The following TRAF3 variants were observed in gnomAD, a reference collection of about 807,000 sequenced individuals.
TRAF3 encodes the protein TNF receptor-associated factor 3.
A neutral mutation model predicts 62.3 loss-of-function variants in TRAF3; 13 were observed. That is an observed-to-expected ratio of 0.21 (90% CI 0.14 to 0.33). The LOEUF (loss-of-function observed/expected upper bound fraction) is 0.33, where lower values mean the gene tolerates loss of function less well. Ranked by LOEUF, TRAF3 falls within the 10% of genes least tolerant of loss-of-function variation. The pLI is 1.00. For missense variants in TRAF3, 440 were observed against 741.8 expected (o/e 0.59, Z 4.73); for synonymous variants, 269 against 283.4 (o/e 0.95, Z 0.51).
Position 102,903,553 on chromosome 14 carries a change from TG to T in TRAF3, c.1135+127del, listed in dbSNP as rs2140002778. 7.4e-7 allele frequency: 1 copy of T among 1,350,094 alleles called. No individual in the cohort carries two copies. Among genetic ancestry groups the T allele is most frequent in the Non-Finnish European group, 1.0e-6 (1 of 969,376 alleles). 83.6% of individuals were successfully genotyped at this position (1,350,094 alleles called of 1,614,324 possible). A position where few individuals can be genotyped will look rare whatever the true frequency, so the allele number is the denominator to read the frequency against. ...GCCTTAGGACAGTTTTTTCTAATTATGGGTAACACGCAGAGGTGTGATGACT... is the reference window on the plus strand; with the variant it reads ...GCCTTAGGACAGTTTTTTCTAATTATGGTAACACGCAGAGGTGTGATGACT... On this transcript the variant is annotated intron_variant, in intron 11 of 11. Coordinates refer to ENST00000392745, the MANE Select transcript of TRAF3 (RefSeq NM_145725.3). This position sits in a 1 kb window ranked among gnomAD's most constrained non-coding sequence, Gnocchi z 6.4.
intron 2 of TRAF3, among the ~76,000 whole-genome samples, chr14:102,835,071 C>A (rs754718702): frequency 3.9e-5 from 6 of 152,072 alleles, no homozygotes; most frequent in Admixed American, 6.6e-5. Context: ...AAAAAAACAA[C>A]CCCATTAAAA....
In TRAF3 at chr14:102,882,868, G is replaced by A. The variant is rs185177304; in HGVS notation, c.571-3321G>A. Among the ~76,000 whole-genome samples, 261 of 152,234 alleles carry A rather than the reference G, an allele frequency of 1.7e-3. 1 individual carries two copies. Among genetic ancestry groups the A allele is most frequent in the African/African-American group, 6.2e-3 (256 of 41,548 alleles). ...TTATTATTACTTTTTAAATTTATAG[G>A]TTAGCATAATTTAAAGTGTCAGGAA... is the stretch of plus-strand genomic sequence containing the variant. On this transcript the variant is annotated intron_variant, in intron 6 of 11. Coordinates refer to ENST00000392745, the MANE Select transcript of TRAF3 (RefSeq NM_145725.3).
chr14:102,801,380 A>T (rs1406494517), intron 1 of TRAF3, among the ~76,000 whole-genome samples: 1 of 152,190 alleles, frequency 6.6e-6, no homozygotes, highest in African/African-American at 2.4e-5. Flanking sequence ...AATTCAAAAA[A>T]TTCTGAACTC....
At chr14:102,794,945 T>C (rs190997321) in intron 1 of TRAF3, among the ~76,000 whole-genome samples, 1 of 152,232 alleles carries the variant, frequency 6.6e-6, no homozygotes, top group Non-Finnish European at 1.5e-5. Context: ...TAGTTCATTT[T>C]AAAAATTTGT....
chr14:102,796,326 T>C (rs2139435375), intron 1 of TRAF3, among the ~76,000 whole-genome samples: 1 of 152,374 alleles, frequency 6.6e-6, no homozygotes, highest in Non-Finnish European at 1.5e-5. Context: ...CCGCCTGGCC[T>C]CATACCTCGC....
chr14:102,824,368 T>C (rs190327467), intron 1 of TRAF3, among the ~76,000 whole-genome samples: 43 of 152,370 alleles, frequency 2.8e-4, no homozygotes, highest in African/African-American at 9.9e-4. Context: ...CCTGTATAGA[T>C]TTTTGGTAAA....
chr14:102,864,943 A>G (rs1372769555), intron 2 of TRAF3, among the ~76,000 whole-genome samples: 1 of 152,184 alleles, frequency 6.6e-6, no homozygotes, highest in African/African-American at 2.4e-5. Context: ...ATTGTGAGAA[A>G]TGTGTCTCCA....
At chr14:102,787,250 A>C (rs922085163) in intron 1 of TRAF3, among the ~76,000 whole-genome samples, 3 of 152,204 alleles carry the variant, frequency 2.0e-5, no homozygotes, top group African/African-American at 7.2e-5. Context: ...AGAAACTGAA[A>C]TCACAGTATA....
rs985098013 is a variant in TRAF3, at chr14:102,907,889, CGT to C, written c.*2110_*2111del. On this transcript the variant is annotated 3_prime_UTR_variant, in exon 12 of 12. Coordinates refer to ENST00000392745, the MANE Select transcript of TRAF3 (RefSeq NM_145725.3). The stretch of plus-strand genomic sequence containing the variant: ...CCTTGGTTCTGCCCTGTGAGGGAGT[CGT>C]GTGTCCCTGCTCATAAAGGAAGGAC... The C allele has an allele frequency of 1.3e-5, 2 of 152,304 alleles. No individual in the cohort carries two copies. The highest frequency in any genetic ancestry group is 2.9e-5 in the Non-Finnish European group (2 of 68,092). The allele number at this position is 152,304 out of a possible 1,614,324, so 9.4% of individuals were successfully genotyped here.
chr14:102,900,571 G>A (rs1249165752), intron 10 of TRAF3, among the ~76,000 whole-genome samples: 3 of 152,244 alleles, frequency 2.0e-5, no homozygotes, highest in Non-Finnish European at 4.4e-5. Context: ...AGATGAACTG[G>A]TGGTTCTTAC....
chr14:102,851,714 A>T (rs896122286), intron 2 of TRAF3, among the ~76,000 whole-genome samples: 1 of 152,194 alleles, frequency 6.6e-6, no homozygotes, highest in Non-Finnish European at 1.5e-5. Flanking sequence ...ACTGCACTCC[A>T]GCCTGGGCGA....
intron 9 of TRAF3, among the ~76,000 whole-genome samples, chr14:102,893,576 G>A (rs1320663147): frequency 6.6e-6 from 1 of 152,088 alleles, no homozygotes; most frequent in Non-Finnish European, 1.5e-5. Context: ...TTTCCCCACT[G>A]AAAGTGAATG....
intron 2 of TRAF3, among the ~76,000 whole-genome samples, chr14:102,833,499 A>G (rs1373588656): frequency 1.3e-5 from 2 of 152,206 alleles, no homozygotes; most frequent in African/African-American, 4.8e-5. Context: ...GCAAGCGAAC[A>G]CCCATATTGT....
chr14:102,903,533 A>G lies in TRAF3; in HGVS notation c.1135+104A>G. 1 of 1,522,090 alleles carries G rather than the reference A, an allele frequency of 6.6e-7. No individual in the cohort carries two copies. The highest frequency in any genetic ancestry group is 1.2e-5 in the South Asian group (1 of 86,392). 94.3% of individuals were successfully genotyped at this position (1,522,090 alleles called of 1,614,324 possible). A position where few individuals can be genotyped will look rare whatever the true frequency, so the allele number is the denominator to read the frequency against. Reference sequence around the variant, plus strand: ...GGGCTATGTTAGGTACATGTGCCTTAGGACAGTTTTTTCTAATTATGGGTA... The same window carrying G: ...GGGCTATGTTAGGTACATGTGCCTTGGGACAGTTTTTTCTAATTATGGGTA... On this transcript the variant is annotated intron_variant, in intron 11 of 11. Coordinates refer to ENST00000392745, the MANE Select transcript of TRAF3 (RefSeq NM_145725.3). The surrounding 1 kb of genome is among the most constrained non-coding windows in gnomAD (Gnocchi z 6.4).
rs561910892 is a variant in TRAF3, at chr14:102,896,079, G to A, written c.820-1182G>A. 2.9e-4 allele frequency among the ~76,000 whole-genome samples: 44 copies of A among 152,250 alleles called. 1 individual carries two copies. The South Asian group carries it at 8.5e-3, about 29-fold the overall frequency. On this transcript the variant is annotated intron_variant, in intron 9 of 11. Coordinates refer to ENST00000392745, the MANE Select transcript of TRAF3 (RefSeq NM_145725.3). ...GACCAGCATTGTTTATATTTATGGG[G>A]TACAGTGTAATGTTTTGGTATATAC...
chr14:102,875,504 A>G, intron 4 of TRAF3, 120 bp from the exon 5 acceptor site: 1 of 781,414 alleles, frequency 1.3e-6, no homozygotes, highest in East Asian at 2.7e-5. Flanking sequence ...TGCTTTCTGA[A>G]GTTCACTTAA....
chr14:102,872,077 C>A, intron 4 of TRAF3, 109 bp downstream of exon 4: 1 of 1,182,976 alleles, frequency 8.5e-7, no homozygotes, highest in Non-Finnish European at 1.3e-6. Flanking sequence ...TCAGTTTTGG[C>A]AGCTGATGCG....
chr14:102,903,156 G>C lies in TRAF3; in HGVS notation c.961-99G>C. ...TGGCAGGCCTCATACAGGGGCCTCT[G>C]ACTGTTCTGCTCCTAGCCTGTCTGT... On this transcript the variant is annotated intron_variant, in intron 10 of 11. Transcript: ENST00000392745. This position sits in a 1 kb window ranked among gnomAD's most constrained non-coding sequence, Gnocchi z 6.4. The C allele has an allele frequency of 6.4e-7, 1 of 1,565,376 alleles. No individual in the cohort carries two copies. The highest frequency in any genetic ancestry group is 8.8e-7 in the Non-Finnish European group (1 of 1,137,394).
At chr14:102,791,412 A>T (rs899936443) in intron 1 of TRAF3, among the ~76,000 whole-genome samples, 2 of 152,122 alleles carry the variant, frequency 1.3e-5, no homozygotes, top group Non-Finnish European at 2.9e-5. Flanking sequence ...ATCTCTTTGG[A>T]TAAATTTATT....
Sources: gnomAD v4.1 joint callset for allele counts (sites outside exome capture counted in the v4.1 genomes callset) on GRCh38, gnomAD v4.1.1 for gene constraint, Gnocchi (gnomAD v3.1) non-coding constraint, MANE v1.5 for transcripts, NCBI Gene and HGNC (gene_info 2026-07-23, HGNC 2026-07-21) for gene names.